The following KLRG1 variants were observed in gnomAD, a reference collection of about 807,000 sequenced individuals.
KLRG1 encodes killer cell lectin like receptor G1.
In KLRG1, 16 loss-of-function variants were observed where a neutral mutation model predicts 21.8. That is an observed-to-expected ratio of 0.73 (90% CI 0.50 to 1.11). The LOEUF (loss-of-function observed/expected upper bound fraction) is 1.11. Ranked by LOEUF, KLRG1 falls within the 50% of genes most tolerant of loss-of-function variation. The pLI is 0.00. For missense variants in KLRG1, 173 were observed against 218.3 expected (o/e 0.79, Z 1.31); for synonymous variants, 69 against 75.9 (o/e 0.91, Z 0.47).
intron 1 of KLRG1, among the ~76,000 whole-genome samples, chr12:8,957,532 TG>T (rs774888858): frequency 2.0e-5 from 3 of 151,994 alleles, no homozygotes; most frequent in East Asian, 1.9e-4. Flanking sequence ...TGTTTTGTTT[TG>T]TTTTTTTGTT....
At chr12:9,180,932 C>CTGAG in the KLRG1 span, 5 of 1,567,126 alleles carry the variant, frequency 3.2e-6, no homozygotes, top group African/African-American at 6.9e-5. Context: ...GCTTCTTGAT[C>CTGAG]TGAGCCTCTG....
At chr12:9,205,735 A>G in the KLRG1 span, among the ~76,000 whole-genome samples, 2 of 152,226 alleles carry the variant, frequency 1.3e-5, no homozygotes, top group East Asian at 3.8e-4. Context: ...TCCATTGCCA[A>G]CATAAACTCT....
the KLRG1 span, among the ~76,000 whole-genome samples, chr12:9,053,211 G>T: frequency 6.6e-6 from 1 of 151,182 alleles, no homozygotes; most frequent in African/African-American, 2.4e-5. Context: ...CTGCGACGGG[G>T]TGTCCTGTGC....
chr12:9,152,167 G>A, the KLRG1 span: 3 of 1,254,920 alleles, frequency 2.4e-6, no homozygotes, highest in South Asian at 2.4e-5. Flanking sequence ...TCTTAGTTTG[G>A]GGATACAGAA....
At chr12:9,043,972 A>G in the KLRG1 span, among the ~76,000 whole-genome samples, 1 of 152,208 alleles carries the variant, frequency 6.6e-6, no homozygotes, top group Admixed American at 6.5e-5. Flanking sequence ...CGTGACTCCA[A>G]TCCCAGCTGC....
chr12:9,158,315 C>A, the KLRG1 span: 1 of 1,466,304 alleles, frequency 6.8e-7, no homozygotes, highest in Non-Finnish European at 9.4e-7. Context: ...CCCACATCAT[C>A]CAGGACTTCA....
chr12:9,197,030 A>G, the KLRG1 span: 1 of 1,612,608 alleles, frequency 6.2e-7, no homozygotes, highest in Non-Finnish European at 8.5e-7. Flanking sequence ...TGAATTCCTC[A>G]CAGACCTCCT....
chr12:8,969,187 A>T (rs1260788841), intron 1 of KLRG1, among the ~76,000 whole-genome samples: 6 of 152,216 alleles, frequency 3.9e-5, no homozygotes, highest in Admixed American at 6.5e-5. Context: ...TCCTCCAGCC[A>T]GGCTGAGTCT....
chr12:9,195,358 A>G, the KLRG1 span, among the ~76,000 whole-genome samples: 2 of 151,884 alleles, frequency 1.3e-5, no homozygotes, highest in African/African-American at 4.8e-5. Context: ...ACACATGAGA[A>G]TGTTTTCTTC....
chr12:9,016,796 T>A, the KLRG1 span, among the ~76,000 whole-genome samples: 1 of 151,876 alleles, frequency 6.6e-6, no homozygotes, highest in Non-Finnish European at 1.5e-5. Flanking sequence ...TCATTTTTAG[T>A]AGAGATGGGG....
the KLRG1 span, among the ~76,000 whole-genome samples, chr12:9,042,973 C>T: frequency 3.3e-5 from 5 of 152,140 alleles, no homozygotes; most frequent in African/African-American, 1.2e-4. Flanking sequence ...TGAGTGATTG[C>T]TATGTGCTTC....
chr12:9,012,523 C>T (rs369577085), downstream of KLRG1, among the ~76,000 whole-genome samples: 11 of 152,040 alleles, frequency 7.2e-5, no homozygotes, highest in Admixed American at 2.0e-4. Flanking sequence ...CAGTGCCATG[C>T]GGCTTCCAGT....
the KLRG1 span, among the ~76,000 whole-genome samples, chr12:9,193,095 AG>A: frequency 6.6e-6 from 1 of 152,230 alleles, no homozygotes; most frequent in African/African-American, 2.4e-5. Flanking sequence ...AATTAAAATT[AG>A]GGTTTGTATT....
the KLRG1 span, among the ~76,000 whole-genome samples, chr12:9,034,215 C>T: frequency 6.6e-6 from 1 of 152,128 alleles, no homozygotes; most frequent in Non-Finnish European, 1.5e-5. Flanking sequence ...AAGATTATAG[C>T]GAAGCTGAAA....
chr12:9,154,801 C>T, the KLRG1 span: 3 of 1,614,000 alleles, frequency 1.9e-6, no homozygotes, highest in Admixed American at 1.7e-5. Flanking sequence ...CCCACTGGTG[C>T]CTTGGGTCTC....
the KLRG1 span, chr12:9,069,052 T>C: frequency 8.9e-6 from 4 of 447,422 alleles, no homozygotes; most frequent in Non-Finnish European, 1.6e-5. Context: ...CATATACCTC[T>C]GTCAATGCCA....
the KLRG1 span, among the ~76,000 whole-genome samples, chr12:9,197,643 TATATA>T: frequency 4.2e-5 from 1 of 23,910 alleles, no homozygotes; most frequent in Admixed American, 9.0e-4. Flanking sequence ...TATATTATAT[TATATA>T]ATATAATATA....
chr12:9,172,335 G>A, the KLRG1 span, among the ~76,000 whole-genome samples: 1 of 152,134 alleles, frequency 6.6e-6, no homozygotes, highest in Non-Finnish European at 1.5e-5. Flanking sequence ...AAGAGCTCCT[G>A]AAGAAAGCAC....
At chr12:9,180,871 A>C in the KLRG1 span, 1 of 1,203,374 alleles carries the variant, frequency 8.3e-7, no homozygotes, top group Non-Finnish European at 1.1e-6. Flanking sequence ...GCAACCTACA[A>C]AATGGGAGAA....
Sources: gnomAD v4.1 joint callset for allele counts (sites outside exome capture counted in the v4.1 genomes callset) on GRCh38, gnomAD v4.1.1 for gene constraint, MANE v1.5 for transcripts, NCBI Gene and HGNC (gene_info 2026-07-23, HGNC 2026-07-21) for gene names.